ITGA4: variants seen among roughly 807,000 people sequenced by gnomAD.
ITGA4 encodes the protein integrin alpha-4.
A neutral mutation model predicts 133.6 loss-of-function variants in ITGA4; 63 were observed. The observed-to-expected ratio is 0.47, with a 90% CI of 0.38 to 0.58. ITGA4 has a LOEUF of 0.58. Ranked by LOEUF, ITGA4 falls within the 20% of genes least tolerant of loss-of-function variation. The pLI, the probability that ITGA4 is intolerant of heterozygous loss-of-function variation, is 0.00. For synonymous variants in ITGA4, 483 were observed against 438.0 expected, an observed-to-expected ratio of 1.10 and a Z score of -1.28; for missense variants, 1,076 against 1,252.7, an observed-to-expected ratio of 0.86 and a Z score of 2.13.
Position 181,523,219 on chromosome 2 carries a change from CATATATACATACATAT to C in ITGA4, c.2074-212_2074-197del, listed in dbSNP as rs1161096246. Reference sequence around the variant, plus strand: ...ATATATACACACACATATATACACACATATATACATACATATATATACACATACATATATACACACA... The same window carrying C: ...ATATATACACACACATATATACACACATATACACATACATATATACACACA... On this transcript the variant is annotated intron_variant, in intron 18 of 27. Transcript: ENST00000397033. This position sits in a 1 kb window ranked among gnomAD's most constrained non-coding sequence, Gnocchi z 4.2. 3 of 410,728 alleles carry C rather than the reference CATATATACATACATAT, an allele frequency of 7.3e-6. No homozygotes were observed. The highest frequency in any genetic ancestry group is 4.3e-5 in the East Asian group (1 of 23,098). The allele number at this position is 410,728 out of a possible 1,614,324, so 25.4% of individuals were successfully genotyped here.
intron 2 of ITGA4, among the ~76,000 whole-genome samples, chr2:181,468,898 T>C (rs1180683588): frequency 6.6e-6 from 1 of 152,196 alleles, no homozygotes; most frequent in East Asian, 1.9e-4. Flanking sequence ...TTCTAGTTGT[T>C]TAAAAGCAGG....
chr2:181,494,535 G>A (rs901118726), intron 11 of ITGA4, among the ~76,000 whole-genome samples, 187 bp from the exon 12 acceptor site: 2 of 152,128 alleles, frequency 1.3e-5, no homozygotes, highest in Non-Finnish European at 2.9e-5. Flanking sequence ...AGTCACAAAT[G>A]TCACCTGTTC....
In ITGA4 at chr2:181,535,797, G is replaced by GT. The variant is rs555849702; in HGVS notation, c.*271dup. On this transcript the variant is annotated 3_prime_UTR_variant, in exon 28 of 28. Coordinates refer to ENST00000397033, the MANE Select transcript of ITGA4 (RefSeq NM_000885.6). ...AAAGCATTCAATTTATTCAAGAAAA[G>GT]TAAGCCCTTGAAGATATCTTGAAAT... The GT allele has an allele frequency of 7.8e-5, 20 of 256,126 alleles. 1 individual carries two copies. In the South Asian group the frequency reaches 1.6e-3, roughly 20 times the overall value. The allele number at this position is 256,126 out of a possible 1,614,324, so 15.9% of individuals were successfully genotyped here. A position where few individuals can be genotyped will look rare whatever the true frequency, so the allele number is the denominator to read the frequency against.
intron 1 of ITGA4, 47 bp downstream of exon 1, chr2:181,457,898 G>A (rs1559033436): frequency 6.6e-7 from 1 of 1,518,956 alleles, no homozygotes; most frequent in East Asian, 2.3e-5. Context: ...AGAGCGGCGT[G>A]AGAATGGCGC....
chr2:181,513,766 ACTT>A (rs1434740572), intron 17 of ITGA4, among the ~76,000 whole-genome samples: 2 of 152,058 alleles, frequency 1.3e-5, no homozygotes, highest in African/African-American at 4.8e-5. Context: ...GTATCTTCTC[ACTT>A]CTTCTGCCCA....
rs981134959 is a variant in ITGA4 at position 181,535,713 on chromosome 2, C to A, written c.*186C>A. ...ATTACTCTTTGAGATAGAAGAACTG[C>A]AAAGGTAATAATACAGCCAAAGATA... On this transcript the variant is annotated 3_prime_UTR_variant, in exon 28 of 28. Coordinates refer to ENST00000397033, the MANE Select transcript of ITGA4 (RefSeq NM_000885.6). 4.9e-6 allele frequency: 3 copies of A among 610,174 alleles called. No individual in the cohort carries two copies. The highest frequency in any genetic ancestry group is 1.9e-5 in the African/African-American group (1 of 53,700). 37.8% of individuals were successfully genotyped at this position (610,174 alleles called of 1,614,324 possible).
rs1211814183 is a variant in ITGA4, at chr2:181,458,126, C to T, written c.198-70C>T. ...AGCTGCCCTGCTGCGGACTGCACATCTGTGGCGACAGGGAGCTCAGTGGGC... is the reference window on the plus strand; with the variant it reads ...AGCTGCCCTGCTGCGGACTGCACATTTGTGGCGACAGGGAGCTCAGTGGGC... On this transcript the variant is annotated intron_variant, in intron 1 of 27. Coordinates refer to ENST00000397033, the MANE Select transcript of ITGA4 (RefSeq NM_000885.6). 2.5e-6 allele frequency: 4 copies of T among 1,603,988 alleles called. No individual in the cohort carries two copies. In the East Asian group the frequency reaches 8.9e-5, roughly 36 times the overall value.
At chr2:181,476,055 G>A (rs1025825544) in intron 4 of ITGA4, 1 of 557,408 alleles carries the variant, frequency 1.8e-6, no homozygotes, top group Non-Finnish European at 2.9e-6. Context: ...CCAAGTATTT[G>A]AGTTCAATTA....
chr2:181,520,766 CCTT>C (rs1686702268), intron 17 of ITGA4, among the ~76,000 whole-genome samples: 1 of 152,046 alleles, frequency 6.6e-6, no homozygotes, highest in African/African-American at 2.4e-5. Flanking sequence ...ACACATCTGT[CCTT>C]TATTATATCA....
intron 2 of ITGA4, among the ~76,000 whole-genome samples, chr2:181,465,943 C>T (rs1685401206): frequency 6.6e-6 from 1 of 152,080 alleles, no homozygotes; most frequent in South Asian, 2.1e-4. Flanking sequence ...TGAGTTAATA[C>T]ATGTCTTTGC....
chr2:181,535,796 A>C lies in ITGA4; in HGVS notation c.*269A>C. On this transcript the variant is annotated 3_prime_UTR_variant, in exon 28 of 28. Transcript: ENST00000397033. The stretch of plus-strand genomic sequence containing the variant: ...TAAAGCATTCAATTTATTCAAGAAA[A>C]GTAAGCCCTTGAAGATATCTTGAAA... 3.8e-6 allele frequency: 1 copy of C among 261,968 alleles called. No individual in the cohort carries two copies. The highest frequency in any genetic ancestry group is 7.3e-6 in the Non-Finnish European group (1 of 137,384). The allele number at this position is 261,968 out of a possible 1,614,324, so 16.2% of individuals were successfully genotyped here.
In ITGA4 at chr2:181,530,747, AAG is replaced by A. The variant is rs1686928392; in HGVS notation, c.2664+104_2664+105del. On this transcript the variant is annotated intron_variant, in intron 24 of 27. Coordinates refer to ENST00000397033, the MANE Select transcript of ITGA4 (RefSeq NM_000885.6). ...GGGTTTGAGCTGTCACTTCAATAAT[AAG>A]AGAGAAGACAAGTTTAGGTAGTATT... 4 of 1,074,784 alleles carry A rather than the reference AAG, an allele frequency of 3.7e-6. No homozygotes were observed. The East Asian group carries it at 7.5e-5, about 20-fold the overall frequency. The allele number at this position is 1,074,784 out of a possible 1,614,324, so 66.6% of individuals were successfully genotyped here.
rs1244163815 is a variant in ITGA4, at chr2:181,536,947, C to T, written c.*1420C>T. 1 of 453,232 alleles carries T rather than the reference C, an allele frequency of 2.2e-6. No individual in the cohort carries two copies. Among genetic ancestry groups the T allele is most frequent in the East Asian group, 6.9e-5 (1 of 14,396 alleles). The allele number at this position is 453,232 out of a possible 1,614,324, so 28.1% of individuals were successfully genotyped here. A position where few individuals can be genotyped will look rare whatever the true frequency, so the allele number is the denominator to read the frequency against. ...TGGGAAAGATTTCTTTATATGAAGT[C>T]CCTGCCACTAGCCAGCCATCCTAAT... On this transcript the variant is annotated 3_prime_UTR_variant, in exon 28 of 28. Coordinates refer to ENST00000397033, the MANE Select transcript of ITGA4 (RefSeq NM_000885.6).
At position 181,526,522 on chromosome 2, in the gene ITGA4, T is replaced by C. The variant is rs549037848; in HGVS notation, c.2340-775T>C. ...GACAGCCTTGTATTGTAACAAAAAATTTATCATACTTAATAATGTTAGACT... is the reference window on the plus strand; with the variant it reads ...GACAGCCTTGTATTGTAACAAAAAACTTATCATACTTAATAATGTTAGACT... On this transcript the variant is annotated intron_variant, in intron 21 of 27. Transcript: ENST00000397033. Among the ~76,000 whole-genome samples, 4 of 152,278 alleles carry C rather than the reference T, an allele frequency of 2.6e-5. No individual in the cohort carries two copies. The South Asian group carries it at 8.3e-4, about 32-fold the overall frequency.
At chr2:181,501,403 G>C (rs1686265757) in intron 15 of ITGA4, among the ~76,000 whole-genome samples, 1 of 152,140 alleles carries the variant, frequency 6.6e-6, no homozygotes, top group Non-Finnish European at 1.5e-5. Context: ...AGAACCTGTG[G>C]CTTTTTCTCT....
intron 21 of ITGA4, among the ~76,000 whole-genome samples, chr2:181,526,872 CCCATGCTGGAGGGCAGCGGTGT>C (rs1212876982): frequency 3.1e-5 from 3 of 95,276 alleles, no homozygotes; most frequent in African/African-American, 1.1e-4. Context: ...CGCTCTATTG[CCCATGCTGGAGGGCAGCGGTGT>C]GACCTCAGCT....
intron 2 of ITGA4, among the ~76,000 whole-genome samples, chr2:181,466,867 C>T (rs566287936): frequency 6.6e-6 from 1 of 152,172 alleles, no homozygotes; most frequent in East Asian, 1.9e-4. Flanking sequence ...ATGCACGTAC[C>T]CTGAGGAGCA....
chr2:181,520,700 C>T (rs1286912734), intron 17 of ITGA4, among the ~76,000 whole-genome samples: 4 of 152,014 alleles, frequency 2.6e-5, no homozygotes, highest in African/African-American at 9.7e-5. Context: ...AAGTGGTTTC[C>T]CAGAGCCCTC....
intron 15 of ITGA4, among the ~76,000 whole-genome samples, chr2:181,500,896 T>C (rs1362420152): frequency 6.6e-6 from 1 of 152,106 alleles, no homozygotes; most frequent in Non-Finnish European, 1.5e-5. Context: ...AAAATATACA[T>C]TTTATAGTAT....
Sources: allele counts gnomAD v4.1 joint callset (sites outside exome capture counted in the v4.1 genomes callset), GRCh38; gene constraint gnomAD v4.1.1; non-coding constraint Gnocchi (gnomAD v3.1); transcripts MANE v1.5; gene names NCBI Gene and HGNC (gene_info 2026-07-23, HGNC 2026-07-21).